The following GRIK2 variants were observed in gnomAD, a reference collection of about 807,000 sequenced individuals.
GRIK2 encodes glutamate ionotropic receptor kainate type subunit 2.
A neutral mutation model predicts 100.3 loss-of-function variants in GRIK2; 32 were observed. The observed-to-expected ratio is 0.32, with a 90% CI of 0.24 to 0.43. The LOEUF is 0.43. Among genes scored for constraint, GRIK2 ranks in the 20% least tolerant of loss-of-function variants. The probability of loss-of-function intolerance (pLI) is 1.00; values close to 1 mark genes in which losing one functional copy is unlikely to be tolerated. For missense variants in GRIK2, 843 were observed against 1,114.9 expected, an observed-to-expected ratio of 0.76 and a Z score of 3.47; for synonymous variants, 417 against 389.4, an observed-to-expected ratio of 1.07 and a Z score of -0.83.
chr6:102,066,883 T>C (rs1182494323), intron 16 of GRIK2, among the ~76,000 whole-genome samples: 1 of 151,694 alleles, frequency 6.6e-6, no homozygotes, highest in African/African-American at 2.4e-5. Context: ...TTAAGGAAAC[T>C]CTTTAAGGAG....
At chr6:101,528,463 AT>A (rs889308067) in intron 2 of GRIK2, among the ~76,000 whole-genome samples, 10 of 151,658 alleles carry the variant, frequency 6.6e-5, no homozygotes, top group African/African-American at 9.7e-5. Context: ...TGAGCTAGCA[AT>A]TTTTTTTTGT....
At position 102,035,481 on chromosome 6, in the gene GRIK2, C is replaced by A. The variant is rs3213607; in HGVS notation, c.2226C>A (p.Ile742=). 105,406 of 1,608,300 alleles carry A rather than the reference C, an allele frequency of 0.066. 3,612 individuals carry two copies. The highest frequency in any genetic ancestry group is 0.081 in the African/African-American group (6,010 of 74,570). The change falls in exon 15 of 17, where the codon ATC becomes ATA. Residue 742 remains isoleucine (I), a synonymous_variant. Transcript: ENST00000369134. ...DYAFLMESTT[I]EFVTQRNCNL... ...CTTTCCTAATGGAGTCAACAACCAT[C>A]GAGTTTGTTACCCAGCGGAACTGTA...
intron 2 of GRIK2, among the ~76,000 whole-genome samples, chr6:101,556,518 A>G (rs912668773): frequency 6.6e-6 from 1 of 151,556 alleles, no homozygotes; most frequent in African/African-American, 2.4e-5. Context: ...GTTCATTTGT[A>G]TTTTATTTTT....
At position 102,068,404 on chromosome 6, in the gene GRIK2, C is replaced by T. The variant is rs749785819; in HGVS notation, c.2620C>T (p.Arg874Trp). The T allele has an allele frequency of 9.9e-6, 16 of 1,611,736 alleles. No individual in the cohort carries two copies. Among genetic ancestry groups the T allele is most frequent in the South Asian group, 2.2e-5 (2 of 91,042 alleles). Residue 874 changes from arginine to tryptophan, a missense_variant, in exon 17 of 17, where the codon CGG becomes TGG. Transcript: ENST00000369134. ...GAGGATGTCCCTGAAGTGCCAGCGT[C>T]GGTTAAAACATAAGCCACAGGCCCC... Reference protein sequence around the residue: ...ELRMSLKCQRRLKHKPQAPVI... With the variant: ...ELRMSLKCQRWLKHKPQAPVI...
intron 10 of GRIK2, among the ~76,000 whole-genome samples, chr6:101,834,478 G>A (rs530042473): frequency 6.6e-6 from 1 of 151,880 alleles, no homozygotes. Context: ...AAGTTCATAT[G>A]AGGCTGAACT....
intron 2 of GRIK2, among the ~76,000 whole-genome samples, chr6:101,458,384 G>A (rs1279450814): frequency 6.6e-6 from 1 of 152,098 alleles, no homozygotes; most frequent in East Asian, 1.9e-4. Flanking sequence ...TTAATTTAGT[G>A]CTCCAAATAT....
intron 7 of GRIK2, among the ~76,000 whole-genome samples, chr6:101,754,545 A>G (rs1340932536): frequency 6.6e-6 from 1 of 152,200 alleles, no homozygotes; most frequent in East Asian, 1.9e-4. Context: ...TCATAATGTA[A>G]ATGTAACCAA....
intron 2 of GRIK2, among the ~76,000 whole-genome samples, chr6:101,454,394 A>C (rs1451837742): frequency 6.6e-6 from 1 of 152,132 alleles, no homozygotes; most frequent in Non-Finnish European, 1.5e-5. Context: ...TTTATGAGAT[A>C]CCAGTGAGAA....
Position 102,063,353 on chromosome 6 carries a change from C to A in GRIK2, c.2563-4994C>A, listed in dbSNP as rs2782896. The stretch of plus-strand genomic sequence containing the variant: ...CTTAAAAATAAATACTAAATGCAGG[C>A]TTGAAAGTAACATATTTTATGATAT... On this transcript the variant is annotated intron_variant, in intron 16 of 16. Transcript: ENST00000369134. Among the ~76,000 whole-genome samples, 43 of 150,654 alleles carry A rather than the reference C, an allele frequency of 2.9e-4. No homozygotes were observed. In the Middle Eastern group the frequency reaches 0.014, roughly 48 times the overall value.
chr6:101,978,746 G>GTTTTA (rs1166146615), intron 14 of GRIK2, among the ~76,000 whole-genome samples: 3 of 151,868 alleles, frequency 2.0e-5, no homozygotes, highest in Non-Finnish European at 4.4e-5. Context: ...TTTTATAAAA[G>GTTTTA]CTATGTATAT....
intron 11 of GRIK2, among the ~76,000 whole-genome samples, chr6:101,872,285 T>C (rs781003667): frequency 6.6e-6 from 1 of 151,936 alleles, no homozygotes; most frequent in Non-Finnish European, 1.5e-5. Flanking sequence ...GGGTGATTTA[T>C]GAAGAAAAGA....
chr6:101,953,682 A>G (rs186939233), intron 14 of GRIK2, among the ~76,000 whole-genome samples: 105 of 152,280 alleles, frequency 6.9e-4, no homozygotes, highest in Admixed American at 1.2e-3. Context: ...ATGATTTGCA[A>G]AAGTTATTTT....
chr6:101,758,792 A>G (rs1261317145), intron 7 of GRIK2, among the ~76,000 whole-genome samples: 3 of 152,158 alleles, frequency 2.0e-5, no homozygotes, highest in African/African-American at 7.2e-5. Flanking sequence ...TTTTTTTGAA[A>G]AGCTATTTAT....
intron 10 of GRIK2, among the ~76,000 whole-genome samples, chr6:101,857,487 C>A (rs1784487409): frequency 6.6e-6 from 1 of 152,060 alleles, no homozygotes; most frequent in Non-Finnish European, 1.5e-5. Flanking sequence ...TGAGTGTGGG[C>A]AAGCTGACAC....
At chr6:101,571,983 A>T (rs1299772112) in intron 2 of GRIK2, among the ~76,000 whole-genome samples, 1 of 152,156 alleles carries the variant, frequency 6.6e-6, no homozygotes, top group Non-Finnish European at 1.5e-5. Flanking sequence ...AAAGTCTATC[A>T]TCTTCAAACC....
chr6:101,745,426 C>G (rs527564379), intron 7 of GRIK2, among the ~76,000 whole-genome samples: 2 of 152,128 alleles, frequency 1.3e-5, no homozygotes, highest in South Asian at 4.2e-4. Flanking sequence ...TGATGATTAC[C>G]AATACAGTCA....
intron 12 of GRIK2, among the ~76,000 whole-genome samples, chr6:101,904,812 C>A (rs894492152): frequency 4.0e-5 from 6 of 151,432 alleles, no homozygotes; most frequent in African/African-American, 7.3e-5. Flanking sequence ...GTGTTTATTG[C>A]AAGAATGAAA....
intron 14 of GRIK2, among the ~76,000 whole-genome samples, chr6:101,987,262 G>T (rs1376391249): frequency 6.6e-6 from 1 of 151,742 alleles, no homozygotes; most frequent in Non-Finnish European, 1.5e-5. Context: ...TGTGTGGACG[G>T]CATTGGTGAA....
intron 2 of GRIK2, among the ~76,000 whole-genome samples, chr6:101,458,185 G>GAAGGAAA (rs1771109882): frequency 6.6e-6 from 1 of 151,708 alleles, no homozygotes; most frequent in Non-Finnish European, 1.5e-5. Context: ...TTCCTTCTGA[G>GAAGGAAA]AAGGGATCTT....
Sources: allele counts gnomAD v4.1 joint callset (sites outside exome capture counted in the v4.1 genomes callset), GRCh38; gene constraint gnomAD v4.1.1; transcripts MANE v1.5; gene names NCBI Gene and HGNC (gene_info 2026-07-23, HGNC 2026-07-21).